Variants in BANK1 observed in about 807,000 individuals in gnomAD.
The protein encoded by BANK1 is B-cell scaffold protein with ankyrin repeats.
In BANK1, 95 loss-of-function variants were observed where a neutral mutation model predicts 94.5. The ratio of observed to expected loss-of-function variants is 1.00; its 90% confidence interval spans 0.85 to 1.19. The LOEUF is 1.19. Ranked by LOEUF, BANK1 falls within the 50% of genes most tolerant of loss-of-function variation. BANK1 has a pLI of 0.00. For synonymous variants in BANK1, 334 were observed against 308.4 expected (o/e 1.08, Z -0.87); for missense variants, 987 against 932.2 (o/e 1.06, Z -0.77).
intron 6 of BANK1, among the ~76,000 whole-genome samples, chr4:101,917,094 A>G (rs549690643): frequency 6.6e-6 from 1 of 152,152 alleles, no homozygotes; most frequent in East Asian, 1.9e-4. Flanking sequence ...ACAGTTTTCA[A>G]AAAAGCAATG....
intron 7 of BANK1, among the ~76,000 whole-genome samples, chr4:101,921,027 A>G (rs1722983197): frequency 6.6e-6 from 1 of 151,768 alleles, no homozygotes; most frequent in African/African-American, 2.4e-5. Context: ...CATTTCTTAC[A>G]TTGCTTCATG....
chr4:102,023,724 G>A (rs1240031195), intron 8 of BANK1, among the ~76,000 whole-genome samples: 1 of 152,174 alleles, frequency 6.6e-6, no homozygotes, highest in Non-Finnish European at 1.5e-5. Flanking sequence ...AGATTCTGTT[G>A]CTTATTCAGT....
At chr4:101,875,894 G>T (rs889088016) in intron 5 of BANK1, among the ~76,000 whole-genome samples, 1 of 152,118 alleles carries the variant, frequency 6.6e-6, no homozygotes, top group Non-Finnish European at 1.5e-5. Flanking sequence ...GGACTTGGGG[G>T]CACACAACCC....
intron 7 of BANK1, among the ~76,000 whole-genome samples, chr4:102,003,004 G>A (rs1218023085): frequency 2.0e-5 from 3 of 152,092 alleles, no homozygotes; most frequent in South Asian, 2.1e-4. Context: ...CAAGTGATCC[G>A]CCCACCTCGG....
chr4:101,965,424 C>T (rs1724719710), intron 7 of BANK1, among the ~76,000 whole-genome samples: 1 of 151,576 alleles, frequency 6.6e-6, no homozygotes, highest in Non-Finnish European at 1.5e-5. Flanking sequence ...TGTTATAAAC[C>T]CTGGATAATG....
intron 11 of BANK1, among the ~76,000 whole-genome samples, 196 bp downstream of exon 11, chr4:102,044,103 CA>C (rs1397608726): frequency 6.6e-6 from 1 of 152,014 alleles, no homozygotes; most frequent in African/African-American, 2.4e-5. Flanking sequence ...CATATGTATA[CA>C]TGTGCCATAC....
intron 7 of BANK1, among the ~76,000 whole-genome samples, chr4:101,944,620 C>T (rs1723870414): frequency 6.6e-6 from 1 of 151,798 alleles, no homozygotes; most frequent in Admixed American, 6.6e-5. Flanking sequence ...CAAGAGTGAC[C>T]AGGAAAATCT....
At chr4:101,833,156 T>C (rs1409352652) in intron 2 of BANK1, among the ~76,000 whole-genome samples, 1 of 152,096 alleles carries the variant, frequency 6.6e-6, no homozygotes, top group Non-Finnish European at 1.5e-5. Context: ...ATTTTGTATT[T>C]TTAGTAGAGA....
At chr4:101,990,902 C>T (rs1386248552) in intron 7 of BANK1, among the ~76,000 whole-genome samples, 3 of 152,034 alleles carry the variant, frequency 2.0e-5, no homozygotes, top group East Asian at 1.9e-4. Context: ...AGTTAAATCA[C>T]GTAAAGTGCT....
chr4:101,996,609 AGT>A (rs1292698748), intron 7 of BANK1, among the ~76,000 whole-genome samples: 1 of 152,142 alleles, frequency 6.6e-6, no homozygotes, highest in African/African-American at 2.4e-5. Flanking sequence ...TTCCTTGAGC[AGT>A]GTTTTGTAGT....
chr4:101,794,629 A>G (rs1725093442), intron 1 of BANK1, among the ~76,000 whole-genome samples: 1 of 152,114 alleles, frequency 6.6e-6, no homozygotes, highest in South Asian at 2.1e-4. Flanking sequence ...GTTTTAGTGC[A>G]GACATTGAAA....
rs1189811278 is a variant in BANK1 at position 101,895,234 on chromosome 4, A to G, written c.904-71A>G. The G allele has an allele frequency of 2.0e-5, 16 of 812,326 alleles. No individual in the cohort carries two copies. In the East Asian group the frequency reaches 4.5e-4, roughly 23 times the overall value. 50.3% of individuals were successfully genotyped at this position (812,326 alleles called of 1,614,324 possible). A position where few individuals can be genotyped will look rare whatever the true frequency, so the allele number is the denominator to read the frequency against. ...TTACTCCAGTTAATAAATTTTTGTT[A>G]AATTGCACTAAAATGAGTTTCTATG... On this transcript the variant is annotated intron_variant, in intron 5 of 16. Transcript: ENST00000322953.
intron 5 of BANK1, among the ~76,000 whole-genome samples, chr4:101,893,959 G>T (rs1266073693): frequency 2.0e-5 from 3 of 151,864 alleles, no homozygotes; most frequent in Admixed American, 6.6e-5. Context: ...CCTTAACCAG[G>T]CCATGCATAT....
At chr4:102,049,080 T>C (rs1023569085) in intron 11 of BANK1, among the ~76,000 whole-genome samples, 4 of 152,172 alleles carry the variant, frequency 2.6e-5, no homozygotes, top group Non-Finnish European at 5.9e-5. Flanking sequence ...GATTTTGAAG[T>C]CTGGCTTATG....
At chr4:101,916,846 A>T (rs1722844787) in intron 6 of BANK1, among the ~76,000 whole-genome samples, 1 of 151,992 alleles carries the variant, frequency 6.6e-6, no homozygotes, top group African/African-American at 2.4e-5. Flanking sequence ...TGGCTTCTCT[A>T]TTTACACCTT....
intron 7 of BANK1, among the ~76,000 whole-genome samples, chr4:101,963,836 C>A (rs1724654277): frequency 3.9e-5 from 6 of 152,090 alleles, no homozygotes; most frequent in Admixed American, 3.9e-4. Context: ...ACCTGAAAGG[C>A]CTTTCCTTCA....
chr4:101,800,070 G>A (rs985558090), intron 1 of BANK1, among the ~76,000 whole-genome samples: 7 of 140,326 alleles, frequency 5.0e-5, no homozygotes, highest in African/African-American at 7.9e-5. Context: ...TCATAGGTGG[G>A]AATTGAGCAA....
chr4:101,834,930 T>G (rs1001496361), intron 2 of BANK1, among the ~76,000 whole-genome samples: 4 of 152,118 alleles, frequency 2.6e-5, no homozygotes, highest in African/African-American at 9.7e-5. Flanking sequence ...ACATTAAAAT[T>G]TTTTTAAAAG....
intron 7 of BANK1, 42 bp downstream of exon 7, chr4:101,918,231 G>T: frequency 1.5e-6 from 2 of 1,371,870 alleles, no homozygotes; most frequent in South Asian, 1.6e-5. Flanking sequence ...TATTCTGTTT[G>T]ATATTGTAGA....
Sources: gnomAD v4.1 joint callset for allele counts (sites outside exome capture counted in the v4.1 genomes callset) on GRCh38, gnomAD v4.1.1 for gene constraint, MANE v1.5 for transcripts, NCBI Gene and HGNC (gene_info 2026-07-23, HGNC 2026-07-21) for gene names.